The following PSMA6 variants were observed in gnomAD, a reference collection of about 807,000 sequenced individuals.
PSMA6 encodes proteasome subunit alpha type-6.
For missense variants in PSMA6, 170 were observed against 294.8 expected, an observed-to-expected ratio of 0.58 and a Z score of 3.10; for synonymous variants, 88 against 97.7, an observed-to-expected ratio of 0.90 and a Z score of 0.59.
chr14:35,315,336 T>C (rs2052024670), intron 6 of PSMA6: 1 of 152,014 alleles, frequency 6.6e-6, no homozygotes, highest in Non-Finnish European at 1.5e-5. Context: ...AATTTGTTCT[T>C]TTGGTTGCCC....
At chr14:35,290,994 A>T (rs1252325234), upstream of PSMA6, among the ~76,000 whole-genome samples, 2 of 147,022 alleles carry the variant, frequency 1.4e-5, no homozygotes, top group Non-Finnish European at 3.0e-5. Context: ...TCAGTTCCAC[A>T]TTTTTTTTTT....
intron 1 of PSMA6, among the ~76,000 whole-genome samples, chr14:35,301,111 T>A (rs942622240): frequency 2.0e-5 from 3 of 152,128 alleles, no homozygotes; most frequent in Admixed American, 6.6e-5. Flanking sequence ...AATACCAGTA[T>A]TTCAGGAGCT....
intron 1 of PSMA6, among the ~76,000 whole-genome samples, chr14:35,299,108 C>T (rs1222549601): frequency 6.6e-6 from 1 of 152,112 alleles, no homozygotes; most frequent in African/African-American, 2.4e-5. Flanking sequence ...CTCACTGTAG[C>T]CTCAAACTCT....
Position 35,308,006 on chromosome 14 carries a change from A to G in PSMA6, c.89A>G (p.Lys30Arg). The G allele has an allele frequency of 6.2e-7, 1 of 1,613,998 alleles. No homozygotes were observed. Among genetic ancestry groups the G allele is most frequent in the East Asian group, 2.2e-5 (1 of 44,864 alleles). The change falls in exon 2 of 7, where the codon AAG becomes AGG. Residue 30 changes from lysine (K) to arginine (R), a missense_variant. Coordinates refer to ENST00000261479, the MANE Select transcript of PSMA6 (RefSeq NM_002791.3). ...GRLYQVEYAFKAINQGGLTSV... is the reference protein window; with the variant it reads ...GRLYQVEYAFRAINQGGLTSV... Reference sequence around the variant, plus strand: ...TTCTGTTTTCCAGAATATGCTTTTAAGGCTATTAACCAGGGTGGCCTTACA... The same window carrying G: ...TTCTGTTTTCCAGAATATGCTTTTAGGGCTATTAACCAGGGTGGCCTTACA...
At chr14:35,301,999 T>G (rs1018320980) in intron 1 of PSMA6, among the ~76,000 whole-genome samples, 11 of 151,798 alleles carry the variant, frequency 7.2e-5, no homozygotes, top group African/African-American at 2.7e-4. Flanking sequence ...TTTTTCTTTG[T>G]GGCCAGTTGC....
At chr14:35,301,896 T>C (rs942892860) in intron 1 of PSMA6, among the ~76,000 whole-genome samples, 3 of 152,188 alleles carry the variant, frequency 2.0e-5, no homozygotes, top group African/African-American at 7.2e-5. Context: ...AGATAAGTAA[T>C]GCCAGTGAGT....
At chr14:35,310,284 G>A (rs185634378) in intron 3 of PSMA6, 24 of 419,548 alleles carry the variant, frequency 5.7e-5, no homozygotes, top group African/African-American at 4.0e-4. Context: ...AACCTCCCAG[G>A]TAGCTGGGAC....
chr14:35,278,649 A>G, exon 1 of PSMA6: 2 of 1,534,168 alleles, frequency 1.3e-6, no homozygotes, highest in Non-Finnish European at 1.7e-6. Context: ...CTAGGCTGGG[A>G]GAATGGGATG....
chr14:35,307,593 A>G (rs775115266), intron 1 of PSMA6, among the ~76,000 whole-genome samples: 1 of 151,886 alleles, frequency 6.6e-6, no homozygotes, highest in Non-Finnish European at 1.5e-5. Context: ...TATTAGCCAG[A>G]TGTGGTGGCA....
chr14:35,279,780 T>G (rs890853361), intron 1 of PSMA6, among the ~76,000 whole-genome samples: 7 of 152,250 alleles, frequency 4.6e-5, no homozygotes, highest in African/African-American at 1.2e-4. Flanking sequence ...AAGGGAAGTT[T>G]CTGTGAGGAA....
At chr14:35,310,932 A>G in intron 4 of PSMA6, 37 bp downstream of exon 4, 2 of 1,586,074 alleles carry the variant, frequency 1.3e-6, no homozygotes. Flanking sequence ...TAATTGATGA[A>G]TTGAAACTTT....
intron 1 of PSMA6, among the ~76,000 whole-genome samples, chr14:35,279,438 C>T (rs905158076): frequency 3.3e-5 from 5 of 152,204 alleles, no homozygotes; most frequent in Admixed American, 6.5e-5. Context: ...ATAGTATTTG[C>T]ATAGCTGTAT....
At chr14:35,299,327 C>CTTTTTTTTTTTTTTTTTTTTTTTTTTTT (rs71445906) in intron 1 of PSMA6, among the ~76,000 whole-genome samples, 1 of 66,004 alleles carries the variant, frequency 1.5e-5, no homozygotes, top group African/African-American at 5.8e-5. Context: ...TGCCCAGCCT[C>CTTTTTTTTTTTTTTTTTTTTTTTTTTTT]TTTTTTTTTT....
exon 1 of PSMA6, chr14:35,278,678 G>A: frequency 6.5e-7 from 1 of 1,534,968 alleles, no homozygotes; most frequent in Admixed American, 2.0e-5. Flanking sequence ...ACCTCATGAA[G>A]TAGCTTCCTT....
At chr14:35,278,837 CT>C (rs1039148670) in intron 1 of PSMA6, 30 of 1,171,948 alleles carry the variant, frequency 2.6e-5, no homozygotes, top group Non-Finnish European at 3.0e-5. Flanking sequence ...TCCCAAGTTG[CT>C]TTTTTTTCTA....
intron 1 of PSMA6, among the ~76,000 whole-genome samples, chr14:35,303,472 A>T (rs1319880353): frequency 6.6e-6 from 1 of 152,150 alleles, no homozygotes; most frequent in African/African-American, 2.4e-5. Context: ...GTGGGAGTTC[A>T]GCCTTTACTG....
upstream of PSMA6, among the ~76,000 whole-genome samples, chr14:35,289,160 T>C (rs2051451165): frequency 6.6e-6 from 1 of 152,124 alleles, no homozygotes; most frequent in Non-Finnish European, 1.5e-5. Flanking sequence ...ATGAACTAAC[T>C]CCCACACCAT....
At chr14:35,311,471 T>C (rs1231777040) in intron 4 of PSMA6, among the ~76,000 whole-genome samples, 1 of 152,232 alleles carries the variant, frequency 6.6e-6, no homozygotes, top group African/African-American at 2.4e-5. Context: ...GTCAGTGTAA[T>C]GATTTCTGTT....
intron 1 of PSMA6, among the ~76,000 whole-genome samples, chr14:35,301,140 AG>A (rs2051703219): frequency 6.6e-6 from 1 of 152,182 alleles, no homozygotes; most frequent in African/African-American, 2.4e-5. Flanking sequence ...AGATGAAAGC[AG>A]TGAAGAAGAT....
Sources: gnomAD v4.1 joint callset for allele counts (sites outside exome capture counted in the v4.1 genomes callset) on GRCh38, gnomAD v4.1.1 for gene constraint, MANE v1.5 for transcripts, NCBI Gene and HGNC (gene_info 2026-07-23, HGNC 2026-07-21) for gene names.